HSD17B3: variants seen among roughly 807,000 people sequenced by gnomAD.
The protein encoded by HSD17B3 is hydroxysteroid 17-beta dehydrogenase 3, also known as 17-beta-hydroxysteroid dehydrogenase type 3.
A neutral mutation model predicts 41.1 loss-of-function variants in HSD17B3; 29 were observed. That is an observed-to-expected ratio of 0.71 (90% CI 0.53 to 0.96). The LOEUF (loss-of-function observed/expected upper bound fraction) is 0.96, where lower values mean the gene tolerates loss of function less well. Ranked by LOEUF, HSD17B3 falls within the 40% of genes least tolerant of loss-of-function variation. HSD17B3 has a pLI of 0.00. For synonymous variants in HSD17B3, 126 were observed against 145.6 expected, an observed-to-expected ratio of 0.87 and a Z score of 0.97; for missense variants, 323 against 374.6, an observed-to-expected ratio of 0.86 and a Z score of 1.14.
intron 2 of HSD17B3, among the ~76,000 whole-genome samples, chr9:96,272,123 CT>C (rs1248749572): frequency 2.6e-5 from 4 of 151,622 alleles, no homozygotes; most frequent in African/African-American, 9.7e-5. Flanking sequence ...ATTCCCAGCA[CT>C]TTGGGAGTCT....
chr9:96,266,304 A>T (rs1195945809), intron 2 of HSD17B3, among the ~76,000 whole-genome samples: 1 of 152,104 alleles, frequency 6.6e-6, no homozygotes, highest in East Asian at 1.9e-4. Context: ...AGACAGTCTC[A>T]CTCTGTTACC....
At chr9:96,247,349 G>C (rs1334401007) in intron 6 of HSD17B3, 1 of 152,716 alleles carries the variant, frequency 6.5e-6, no homozygotes, top group Admixed American at 6.5e-5. Flanking sequence ...TGAGACAAGG[G>C]ACCCAAGTGA....
intron 9 of HSD17B3, among the ~76,000 whole-genome samples, chr9:96,241,965 G>GAAAGAAAGAAAA (rs1554692353): frequency 1.1e-5 from 1 of 92,708 alleles, no homozygotes; most frequent in African/African-American, 4.4e-5. Context: ...AACAGAAAAA[G>GAAAGAAAGAAAA]AAAGAAAGAA....
chr9:96,278,044 T>C (rs1464456878), intron 2 of HSD17B3, among the ~76,000 whole-genome samples: 4 of 152,134 alleles, frequency 2.6e-5, no homozygotes, highest in African/African-American at 9.7e-5. Flanking sequence ...GTCAAGCTCA[T>C]GGAACTACAG....
At chr9:96,300,273 C>T (rs534462416) in intron 1 of HSD17B3, among the ~76,000 whole-genome samples, 1 of 146,706 alleles carries the variant, frequency 6.8e-6, no homozygotes, top group Non-Finnish European at 1.5e-5. Context: ...AAATATAAGA[C>T]GCAGAAGTCA....
chr9:96,245,763 G>A (rs964906277), intron 7 of HSD17B3, among the ~76,000 whole-genome samples: 1 of 152,176 alleles, frequency 6.6e-6, no homozygotes, highest in Non-Finnish European at 1.5e-5. Context: ...CAGGATTTAA[G>A]GGGAGAGAAT....
At chr9:96,237,065 CTGAATCAA>C (rs1836264415) in intron 10 of HSD17B3, among the ~76,000 whole-genome samples, 1 of 152,224 alleles carries the variant, frequency 6.6e-6, no homozygotes, top group African/African-American at 2.4e-5. Flanking sequence ...AGCCACGTCG[CTGAATCAA>C]CACAACTTCT....
intron 9 of HSD17B3, among the ~76,000 whole-genome samples, chr9:96,243,875 T>G (rs971614634): frequency 6.6e-6 from 1 of 152,158 alleles, no homozygotes; most frequent in Non-Finnish European, 1.5e-5. Flanking sequence ...TCCCCTCCCC[T>G]GGTGACTAGC....
At position 96,246,477 on chromosome 9, in the gene HSD17B3, G is replaced by A. The variant is rs1587719556; in HGVS notation, c.524+79C>T. On this transcript the variant is annotated intron_variant, in intron 7 of 10. Transcript: ENST00000375263. ...GTTAAAGCACAGCCAGATGGACTCT[G>A]TGTCCCCAGTCCCTGAGTTAGCTGA... 8.1e-6 allele frequency: 10 copies of A among 1,234,124 alleles called. No individual in the cohort carries two copies. The East Asian group carries it at 2.3e-4, about 29-fold the overall frequency. The allele number at this position is 1,234,124 out of a possible 1,614,324, so 76.4% of individuals were successfully genotyped here.
chr9:96,271,309 G>A (rs996295327), intron 2 of HSD17B3, among the ~76,000 whole-genome samples: 96 of 152,268 alleles, frequency 6.3e-4, no homozygotes, highest in African/African-American at 2.2e-3. Context: ...AGGGTTTATG[G>A]TTGTGTGAGG....
chr9:96,256,036 T>G (rs1240943677), intron 2 of HSD17B3, among the ~76,000 whole-genome samples: 3 of 151,972 alleles, frequency 2.0e-5, no homozygotes, highest in African/African-American at 7.3e-5. Flanking sequence ...AAAGTTAGAG[T>G]TTTTCCTGAA....
At chr9:96,289,355 A>T (rs1827059477) in intron 2 of HSD17B3, among the ~76,000 whole-genome samples, 1 of 152,106 alleles carries the variant, frequency 6.6e-6, no homozygotes, top group South Asian at 2.1e-4. Flanking sequence ...GTCCATTAAA[A>T]ATGTTTTTTC....
chr9:96,241,171 G>A (rs1836426686), intron 9 of HSD17B3, among the ~76,000 whole-genome samples: 1 of 152,108 alleles, frequency 6.6e-6, no homozygotes. Flanking sequence ...AAGAACTCGG[G>A]TCTCTCTCTC....
chr9:96,272,405 C>CTCTCTCTA (rs1239816824), intron 2 of HSD17B3, among the ~76,000 whole-genome samples: 2 of 21,536 alleles, frequency 9.3e-5, no homozygotes, highest in East Asian at 2.2e-3. Flanking sequence ...CTCTCTCTCT[C>CTCTCTCTA]TATATATATA....
At chr9:96,274,476 A>T (rs1448090277) in intron 2 of HSD17B3, among the ~76,000 whole-genome samples, 1 of 152,184 alleles carries the variant, frequency 6.6e-6, no homozygotes, top group Non-Finnish European at 1.5e-5. Context: ...AAATAAATAA[A>T]AGAACACAGA....
intron 2 of HSD17B3, among the ~76,000 whole-genome samples, chr9:96,296,061 C>T (rs559775238): frequency 2.6e-5 from 4 of 152,158 alleles, no homozygotes; most frequent in South Asian, 4.2e-4. Context: ...CCAGCCTGGG[C>T]AACATGGTGA....
At chr9:96,255,325 G>A (rs1161150848) in intron 2 of HSD17B3, among the ~76,000 whole-genome samples, 6 of 146,762 alleles carry the variant, frequency 4.1e-5, no homozygotes, top group Non-Finnish European at 8.9e-5. Flanking sequence ...AGGGGGTGGG[G>A]CAGCATCCCA....
At position 96,295,883 on chromosome 9, in the gene HSD17B3, G is replaced by A. The variant is rs72745851; in HGVS notation, c.201+2533C>T. Among the ~76,000 whole-genome samples, 443 of 152,214 alleles carry A rather than the reference G, an allele frequency of 2.9e-3. 1 individual carries two copies. The highest frequency in any genetic ancestry group is 5.3e-3 in the Non-Finnish European group (359 of 68,004). ...CCTAACCCCCAATGAGATGACACTT[G>A]GAGGTAAGGCTTTCAGGAGGTAATC... On this transcript the variant is annotated intron_variant, in intron 2 of 10. Coordinates refer to ENST00000375263, the MANE Select transcript of HSD17B3 (RefSeq NM_000197.2).
intron 2 of HSD17B3, among the ~76,000 whole-genome samples, chr9:96,277,163 T>G (rs1554700402): frequency 6.7e-6 from 1 of 148,388 alleles, no homozygotes; most frequent in Non-Finnish European, 1.5e-5. Context: ...ATCACACCAC[T>G]GCACTCCAGC....
Sources: allele counts gnomAD v4.1 joint callset (sites outside exome capture counted in the v4.1 genomes callset), GRCh38; gene constraint gnomAD v4.1.1; transcripts MANE v1.5; gene names NCBI Gene and HGNC (gene_info 2026-07-23, HGNC 2026-07-21).